Variants in ZEB2 observed in about 807,000 individuals in gnomAD.
ZEB2 encodes zinc finger E-box binding homeobox 2, also known as zinc finger E-box-binding homeobox 2.
A neutral mutation model predicts 99.9 loss-of-function variants in ZEB2; 6 were observed. The observed-to-expected ratio is 0.06, with a 90% CI of 0.03 to 0.12. The LOEUF is 0.12. Ranked by LOEUF, ZEB2 falls within the 10% of genes least tolerant of loss-of-function variation. The pLI, the probability that ZEB2 is intolerant of heterozygous loss-of-function variation, is 1.00. For synonymous variants in ZEB2, 517 were observed against 542.5 expected, an observed-to-expected ratio of 0.95 and a Z score of 0.65; for missense variants, 969 against 1,502.8, an observed-to-expected ratio of 0.64 and a Z score of 5.87.
At chr2:144,512,943 CTCA>C (rs1434861384) in intron 2 of ZEB2, 13 of 1,287,130 alleles carry the variant, frequency 1.0e-5, no homozygotes, top group African/African-American at 1.5e-5. Flanking sequence ...TCCCTAGAAG[CTCA>C]TCAACTTTAC....
intron 4 of ZEB2, among the ~76,000 whole-genome samples, chr2:144,410,772 G>A (rs1703449530): frequency 6.6e-6 from 1 of 151,872 alleles, no homozygotes; most frequent in African/African-American, 2.4e-5. Flanking sequence ...GAAGAAAATT[G>A]AATATTATGT....
intron 2 of ZEB2, among the ~76,000 whole-genome samples, chr2:144,515,683 AC>A (rs529582195): frequency 2.3e-4 from 35 of 152,040 alleles, no homozygotes; most frequent in African/African-American, 8.2e-4. Context: ...GGATAACGTA[AC>A]GAACAGTTTC....
intron 2 of ZEB2, among the ~76,000 whole-genome samples, chr2:144,453,711 T>C (rs753920289): frequency 2.6e-5 from 4 of 152,152 alleles, no homozygotes; most frequent in Non-Finnish European, 4.4e-5. Context: ...CTCACCCCTT[T>C]TGTGGCGACA....
chr2:144,496,184 G>A (rs1704755490), intron 2 of ZEB2: 1 of 152,228 alleles, frequency 6.6e-6, no homozygotes, highest in African/African-American at 2.4e-5. Context: ...CAATGGAAGA[G>A]TTAAATCAGA....
Position 144,389,802 on chromosome 2 carries a change from T to C in ZEB2, c.3294A>G (p.Lys1098=). Reference sequence around the variant, plus strand: ...GCAGCTCGGTGGGTTCCAAGTGCCCTTTCTCGCGCGCCTCGCGCTCCGCCG... The same window carrying C: ...GCAGCTCGGTGGGTTCCAAGTGCCCCTTCTCGCGCGCCTCGCGCTCCGCCG... The part of the protein sequence containing the change: ...REAAEREARE[K]GHLEPTELLM... The change falls in exon 10 of 10, where the codon AAA becomes AAG. Residue 1098 remains lysine, a synonymous_variant. Transcript: ENST00000627532. The surrounding 1 kb of genome is among the most constrained non-coding windows in gnomAD (Gnocchi z 6.8). 1 of 1,611,484 alleles carries C rather than the reference T, an allele frequency of 6.2e-7. No individual in the cohort carries two copies. The highest frequency in any genetic ancestry group is 8.5e-7 in the Non-Finnish European group (1 of 1,178,224).
chr2:144,392,785 G>A (rs945085095), intron 9 of ZEB2, among the ~76,000 whole-genome samples: 1 of 152,126 alleles, frequency 6.6e-6, no homozygotes, highest in African/African-American at 2.4e-5. Flanking sequence ...CCAAGATTCA[G>A]AACATCCAAA....
chr2:144,436,098 A>T (rs751945585), intron 2 of ZEB2, among the ~76,000 whole-genome samples: 1 of 152,198 alleles, frequency 6.6e-6, no homozygotes, highest in Non-Finnish European at 1.5e-5. Context: ...GAATTTGAAC[A>T]TCTGTCACTG....
intron 4 of ZEB2, among the ~76,000 whole-genome samples, 174 bp downstream of exon 4, chr2:144,424,622 G>C (rs1270629113): frequency 6.6e-6 from 1 of 152,176 alleles, no homozygotes; most frequent in Non-Finnish European, 1.5e-5. Flanking sequence ...TATTTGCTTA[G>C]TAAAATACCA....
Position 144,483,117 on chromosome 2 carries a change from G to GACACACACACACAC in ZEB2, c.73+34147_73+34160dup, listed in dbSNP as rs70985858. ...AGAGAAAAAGTCAGTGTTTAGGTAA[G>GACACACACACACAC]ACACACACACACACACACACACACA... is the stretch of plus-strand genomic sequence containing the variant. On this transcript the variant is annotated intron_variant, in intron 2 of 9. Transcript: ENST00000627532. 2.8e-3 allele frequency among the ~76,000 whole-genome samples: 363 copies of GACACACACACACAC among 130,756 alleles called. 4 individuals carry two copies. The highest frequency in any genetic ancestry group is 6.9e-3 in the African/African-American group (229 of 33,196). The allele number at this position is 130,756 out of a possible 152,430, so 85.8% of individuals were successfully genotyped here.
At chr2:144,450,383 T>C (rs551053080) in intron 2 of ZEB2, 2 of 152,358 alleles carry the variant, frequency 1.3e-5, no homozygotes, top group South Asian at 4.1e-4. Flanking sequence ...AATGTAATTA[T>C]AACTCTTCAA....
intron 2 of ZEB2, among the ~76,000 whole-genome samples, chr2:144,431,549 G>A (rs1703769825): frequency 6.6e-6 from 1 of 151,914 alleles, no homozygotes; most frequent in African/African-American, 2.4e-5. Context: ...AGCGGAGCCG[G>A]GCAAACAGAA....
chr2:144,516,736 G>T (rs1398315818), intron 2 of ZEB2: 2 of 151,106 alleles, frequency 1.3e-5, no homozygotes, highest in Non-Finnish European at 3.0e-5. Flanking sequence ...GCTGCCCGCG[G>T]ACCGTTACTT....
chr2:144,424,510 A>C lies in ZEB2; in HGVS notation c.403+286T>G, dbSNP rs1168128293. The C allele has an allele frequency of 6.6e-6, 4 of 610,522 alleles. No homozygotes were observed. In the African/African-American group the frequency reaches 7.4e-5, roughly 11 times the overall value. The allele number at this position is 610,522 out of a possible 1,614,324, so 37.8% of individuals were successfully genotyped here. A position where few individuals can be genotyped will look rare whatever the true frequency, so the allele number is the denominator to read the frequency against. ...TTTGCAGTCTTTTAAAATAAAAGTTACTACTAGAAATTCACCCAACTCATG... is the reference window on the plus strand; with the variant it reads ...TTTGCAGTCTTTTAAAATAAAAGTTCCTACTAGAAATTCACCCAACTCATG... On this transcript the variant is annotated intron_variant, in intron 4 of 9. Transcript: ENST00000627532.
chr2:144,403,806 A>T (rs1703345076), intron 6 of ZEB2, 110 bp downstream of exon 6: 2 of 1,384,440 alleles, frequency 1.4e-6, no homozygotes, highest in Non-Finnish European at 2.0e-6. Flanking sequence ...CCATTAAAAG[A>T]TCTGCATCTT....
Position 144,505,884 on chromosome 2 carries a change from C to G in ZEB2, c.73+11394G>C, listed in dbSNP as rs141805551. 1.8e-3 allele frequency among the ~76,000 whole-genome samples: 277 copies of G among 152,248 alleles called. 5 individuals carry two copies. The East Asian group carries it at 0.032, about 18-fold the overall frequency. On this transcript the variant is annotated intron_variant, in intron 2 of 9. Transcript: ENST00000627532. ...CGGTATGGTTTTAAATCTCCCCCAC[C>G]CTTTTTTATTCTGTATATTGTAAAC...
intron 2 of ZEB2, among the ~76,000 whole-genome samples, chr2:144,488,662 C>T (rs373158432): frequency 2.4e-5 from 2 of 83,548 alleles, no homozygotes; most frequent in East Asian, 3.9e-4. Flanking sequence ...GATAATTGCT[C>T]GTGTGTGAGT....
chr2:144,440,724 T>G (rs1703904516), intron 2 of ZEB2, among the ~76,000 whole-genome samples: 1 of 151,686 alleles, frequency 6.6e-6, no homozygotes, highest in South Asian at 2.1e-4. Context: ...CCCTTTAAAT[T>G]TTTAGTTGAC....
intron 2 of ZEB2, among the ~76,000 whole-genome samples, chr2:144,492,155 A>G (rs896062813): frequency 8.5e-5 from 13 of 152,220 alleles, no homozygotes; most frequent in Non-Finnish European, 1.3e-4. Context: ...AAAAAAGATG[A>G]TGGGAACAAA....
chr2:144,479,682 T>G (rs1400676489), intron 2 of ZEB2, among the ~76,000 whole-genome samples: 2 of 29,852 alleles, frequency 6.7e-5, no homozygotes, highest in African/African-American at 2.0e-4. Context: ...CTACTTTTTT[T>G]TGGGGGGGGG....
Sources: gnomAD v4.1 joint callset for allele counts (sites outside exome capture counted in the v4.1 genomes callset) on GRCh38, gnomAD v4.1.1 for gene constraint, Gnocchi (gnomAD v3.1) non-coding constraint, MANE v1.5 for transcripts, NCBI Gene and HGNC (gene_info 2026-07-23, HGNC 2026-07-21) for gene names.